The following GPC5 variants were observed in gnomAD, a reference collection of about 807,000 sequenced individuals.
GPC5 encodes the protein glypican-5.
GPC5 carries 47 observed loss-of-function variants against 53.9 expected under a neutral mutation model. The observed-to-expected ratio is 0.87, with a 90% CI of 0.69 to 1.11. The LOEUF (loss-of-function observed/expected upper bound fraction) is 1.11. GPC5 is among the 50% of genes most tolerant of loss of function. The pLI is 0.00. For synonymous variants in GPC5, 286 were observed against 263.3 expected (o/e 1.09, Z -0.84); for missense variants, 748 against 713.1 (o/e 1.05, Z -0.56).
chr13:92,044,397 C>T (rs1301964858), intron 6 of GPC5, among the ~76,000 whole-genome samples: 1 of 152,160 alleles, frequency 6.6e-6, no homozygotes, highest in Non-Finnish European at 1.5e-5. Flanking sequence ...CAGCAGCTGC[C>T]TCTACATGGA....
At chr13:92,643,239 T>C (rs1182159449) in intron 7 of GPC5, among the ~76,000 whole-genome samples, 1 of 152,114 alleles carries the variant, frequency 6.6e-6, no homozygotes, top group Non-Finnish European at 1.5e-5. Flanking sequence ...TTAGATCCCA[T>C]TTGTCAATTT....
At chr13:92,739,937 AC>A (rs1479396480) in intron 7 of GPC5, among the ~76,000 whole-genome samples, 1 of 151,966 alleles carries the variant, frequency 6.6e-6, no homozygotes, top group Non-Finnish European at 1.5e-5. Context: ...CATTTTCAGA[AC>A]CCACAAAATT....
At chr13:92,379,619 A>G (rs186570564) in intron 7 of GPC5, among the ~76,000 whole-genome samples, 2 of 148,642 alleles carry the variant, frequency 1.3e-5, no homozygotes. Context: ...TCCTCTGCAT[A>G]TTAGTTCCTC....
intron 6 of GPC5, among the ~76,000 whole-genome samples, chr13:92,054,042 A>G (rs1336824091): frequency 6.8e-6 from 1 of 147,372 alleles, no homozygotes; most frequent in Non-Finnish European, 1.5e-5. Flanking sequence ...CAAATAAATA[A>G]ATAAATAAAT....
At chr13:92,174,751 G>A (rs1168575708) in intron 7 of GPC5, among the ~76,000 whole-genome samples, 1 of 151,884 alleles carries the variant, frequency 6.6e-6, no homozygotes, top group Admixed American at 6.6e-5. Context: ...ATAGTGTGCA[G>A]AAGAAAAAAC....
At chr13:92,564,564 T>A (rs1213509777) in intron 7 of GPC5, among the ~76,000 whole-genome samples, 1 of 152,036 alleles carries the variant, frequency 6.6e-6, no homozygotes, top group East Asian at 1.9e-4. Flanking sequence ...ATATACAGGT[T>A]TTTTACGTGG....
chr13:92,094,930 C>T (rs2041410373), intron 6 of GPC5, among the ~76,000 whole-genome samples: 1 of 151,882 alleles, frequency 6.6e-6, no homozygotes, highest in Admixed American at 6.6e-5. Context: ...TTTGGCTTGT[C>T]CTTTTTATTC....
At chr13:91,607,220 C>T (rs917145222) in intron 2 of GPC5, among the ~76,000 whole-genome samples, 10 of 152,164 alleles carry the variant, frequency 6.6e-5, no homozygotes, top group Middle Eastern at 3.4e-3. Flanking sequence ...TGAAAATCAC[C>T]GGTGCACCTT....
At chr13:92,566,990 G>T (rs1296580358) in intron 7 of GPC5, among the ~76,000 whole-genome samples, 1 of 152,014 alleles carries the variant, frequency 6.6e-6, no homozygotes, top group Non-Finnish European at 1.5e-5. Flanking sequence ...TTTAAGGTCT[G>T]GTATATTAGC....
chr13:92,070,701 C>T (rs186812308), intron 6 of GPC5, among the ~76,000 whole-genome samples: 11 of 152,232 alleles, frequency 7.2e-5, no homozygotes, highest in Non-Finnish European at 1.6e-4. Context: ...GAATGCATCT[C>T]GGACCACTTA....
chr13:92,544,723 C>A (rs1481626047), intron 7 of GPC5, among the ~76,000 whole-genome samples: 2 of 151,516 alleles, frequency 1.3e-5, no homozygotes, highest in South Asian at 4.2e-4. Flanking sequence ...TTTTTTTGGT[C>A]ATTTTATTAT....
chr13:91,938,839 G>A (rs984749667), intron 6 of GPC5, among the ~76,000 whole-genome samples: 2 of 152,190 alleles, frequency 1.3e-5, no homozygotes, highest in South Asian at 4.1e-4. Context: ...GCAAAAGACA[G>A]ATGCTTTAAA....
At chr13:92,382,073 G>T (rs1025390634) in intron 7 of GPC5, among the ~76,000 whole-genome samples, 2 of 151,292 alleles carry the variant, frequency 1.3e-5, no homozygotes, top group African/African-American at 2.4e-5. Context: ...CAGTGACCTG[G>T]ATGAGATTGG....
At chr13:92,763,916 T>A (rs887749200) in intron 7 of GPC5, among the ~76,000 whole-genome samples, 16 of 152,078 alleles carry the variant, frequency 1.1e-4, no homozygotes, top group Admixed American at 8.5e-4. Context: ...CACCATATAG[T>A]GCACTCCGTA....
intron 6 of GPC5, among the ~76,000 whole-genome samples, chr13:91,919,839 C>T (rs2039693993): frequency 6.6e-6 from 1 of 152,144 alleles, no homozygotes; most frequent in African/African-American, 2.4e-5. Context: ...GTTCACATAC[C>T]GGCCTGCCTA....
chr13:91,699,521 A>T (rs766645346), intron 3 of GPC5, among the ~76,000 whole-genome samples: 10 of 152,214 alleles, frequency 6.6e-5, no homozygotes, highest in Non-Finnish European at 1.5e-4. Flanking sequence ...TTTGTTTAAC[A>T]TATGTGGTGG....
chr13:92,281,525 G>T (rs1314192198), intron 7 of GPC5, among the ~76,000 whole-genome samples: 1 of 152,110 alleles, frequency 6.6e-6, no homozygotes, highest in East Asian at 1.9e-4. Context: ...ACCTCACACG[G>T]CTGGGTACCC....
intron 2 of GPC5, among the ~76,000 whole-genome samples, chr13:91,514,118 G>T (rs1337121291): frequency 6.6e-6 from 1 of 152,200 alleles, no homozygotes; most frequent in Non-Finnish European, 1.5e-5. Flanking sequence ...TTAGGATACA[G>T]GTTTTTGCAT....
intron 3 of GPC5, among the ~76,000 whole-genome samples, chr13:91,723,991 C>T (rs899556579): frequency 6.6e-6 from 1 of 152,166 alleles, no homozygotes; most frequent in Admixed American, 6.5e-5. Flanking sequence ...TTCTCCAACA[C>T]TGAGAAGAAC....
Sources: gnomAD v4.1 joint callset for allele counts (sites outside exome capture counted in the v4.1 genomes callset) on GRCh38, gnomAD v4.1.1 for gene constraint, MANE v1.5 for transcripts, NCBI Gene and HGNC (gene_info 2026-07-23, HGNC 2026-07-21) for gene names.